DPF1: variants seen among roughly 807,000 people sequenced by gnomAD.
The protein encoded by DPF1 is double PHD fingers 1.
Under a neutral mutation model 58.7 loss-of-function variants are expected in DPF1, and 14 were observed. The ratio of observed to expected loss-of-function variants is 0.24; its 90% CI spans 0.16 to 0.37. The LOEUF (loss-of-function observed/expected upper bound fraction) is 0.37, where lower values mean the gene tolerates loss of function less well. DPF1 is among the 10% of genes least tolerant of loss of function. The pLI is 1.00. For missense variants in DPF1, 345 were observed against 529.9 expected, an observed-to-expected ratio of 0.65 and a Z score of 3.43; for synonymous variants, 216 against 216.0, an observed-to-expected ratio of 1.00 and a Z score of 0.00.
In DPF1 at chr19:38,212,087, A is replaced by C. The variant is rs1200779915; in HGVS notation, c.1140T>G (p.Ala380=). 15 of 1,612,496 alleles carry C rather than the reference A, an allele frequency of 9.3e-6. No individual in the cohort carries two copies. Among genetic ancestry groups the C allele is most frequent in the Non-Finnish European group, 1.1e-5 (13 of 1,179,768 alleles). ...HLCLRHLKEK[A]SAYITLT is the part of the protein sequence containing the mutation. ...CCTAGGTGAGGGTGATGTAAGCAGA[A>C]GCCTTTTCCTTCAGGTGCCGGAGAC... The change falls in exon 12 of 12, where the codon GCT becomes GCG. Residue 380 remains alanine (A), a synonymous_variant. Coordinates refer to ENST00000355526, the MANE Select transcript of DPF1 (RefSeq NM_001135155.3).
At chr19:38,220,050 G>A (rs2146186287) in intron 3 of DPF1, 1 of 151,760 alleles carries the variant, frequency 6.6e-6, no homozygotes, top group South Asian at 2.1e-4. Flanking sequence ...TTAGCCGGGT[G>A]TAGGGGCACA....
chr19:38,229,321 C>A lies in DPF1; in HGVS notation c.-132+238G>T, dbSNP rs1207871942. Among the ~76,000 whole-genome samples the A allele has an allele frequency of 1.3e-5, 2 of 152,012 alleles. No homozygotes were observed. Among genetic ancestry groups the A allele is most frequent in the Non-Finnish European group, 2.9e-5 (2 of 67,936 alleles). ...GGCCTCCGCCACCCCCAGCCCGCGC[C>A]GCATTCCTTCACTGACAGCGACAAA... On this transcript the variant is annotated intron_variant, in intron 1 of 11. Transcript: ENST00000412732. The surrounding 1 kb of genome is among the most constrained non-coding windows in gnomAD (Gnocchi z 5.3).
Position 38,224,034 on chromosome 19 carries a change from C to G in DPF1, c.29+80G>C. ...CAGCCCCCCAGACACCCCTTCGGCC[C>G]CACCCCCGGTCGCCACACACACACA... is the stretch of plus-strand genomic sequence containing the variant. On this transcript the variant is annotated intron_variant, in intron 1 of 11. Coordinates refer to ENST00000355526, the MANE Select transcript of DPF1 (RefSeq NM_001135155.3). The surrounding 1 kb of genome is among the most constrained non-coding windows in gnomAD (Gnocchi z 4.5). 7.0e-7 allele frequency: 1 copy of G among 1,424,956 alleles called. No individual in the cohort carries two copies. Among genetic ancestry groups the G allele is most frequent in the Admixed American group, 3.1e-5 (1 of 31,764 alleles). The allele number at this position is 1,424,956 out of a possible 1,614,324, so 88.3% of individuals were successfully genotyped here.
chr19:38,213,988 G>A, intron 9 of DPF1: 1 of 537,022 alleles, frequency 1.9e-6, no homozygotes, highest in Non-Finnish European at 3.4e-6. Flanking sequence ...CTGCTCCCCA[G>A]AACGCCATGG....
Position 38,224,006 on chromosome 19 carries a change from T to G in DPF1, c.29+108A>C. On this transcript the variant is annotated intron_variant, in intron 1 of 11. Transcript: ENST00000355526. This position sits in a 1 kb window ranked among gnomAD's most constrained non-coding sequence, Gnocchi z 4.5. ...CACCCCCGCGCAGCCCCGCACTCGG[T>G]GACAGCCCCCCAGACACCCCTTCGG... 1 of 1,333,254 alleles carries G rather than the reference T, an allele frequency of 7.5e-7. No homozygotes were observed. Among genetic ancestry groups the G allele is most frequent in the Non-Finnish European group, 9.6e-7 (1 of 1,037,534 alleles). The allele number at this position is 1,333,254 out of a possible 1,614,324, so 82.6% of individuals were successfully genotyped here. A position where few individuals can be genotyped will look rare whatever the true frequency, so the allele number is the denominator to read the frequency against.
At chr19:38,216,528 C>T in intron 7 of DPF1, 125 bp from the exon 8 acceptor site, 1 of 1,171,098 alleles carries the variant, frequency 8.5e-7, no homozygotes, top group Non-Finnish European at 1.2e-6. Context: ...TGAGTAGCTA[C>T]CCCAAGCTGT....
At chr19:38,216,565 G>C (rs1381031085) in intron 7 of DPF1, 162 bp from the exon 8 acceptor site, 8 of 748,454 alleles carry the variant, frequency 1.1e-5, no homozygotes, top group Non-Finnish European at 1.3e-5. Flanking sequence ...AGTTCTCATC[G>C]GGACTCCCAA....
chr19:38,212,300 G>T lies in DPF1; in HGVS notation c.1073C>A (p.Pro358His). ...CTCACCTTCCGGGGGCTCCGCCATG[G>T]GGGGACTCAGGCAGTACATGTGGTA... ...RGYHMYCLSP[P>H]MAEPPEGSWS... The change falls in exon 11 of 12, where the codon CCC becomes CAC. Residue 358 changes from proline (P) to histidine (H), a missense_variant. By Grantham distance (77) the Pro-to-His change is moderately conservative. Coordinates refer to ENST00000355526, the MANE Select transcript of DPF1 (RefSeq NM_001135155.3). 6.6e-7 allele frequency: 1 copy of T among 1,512,220 alleles called. No individual in the cohort carries two copies. Among genetic ancestry groups the T allele is most frequent in the East Asian group, 2.4e-5 (1 of 41,840 alleles). The allele number at this position is 1,512,220 out of a possible 1,614,324, so 93.7% of individuals were successfully genotyped here. A position where few individuals can be genotyped will look rare whatever the true frequency, so the allele number is the denominator to read the frequency against.
Position 38,222,384 on chromosome 19 carries a change from TG to T in DPF1, c.270del (p.Arg91AspfsTer15). On this transcript the variant is annotated frameshift_variant, in exon 3 of 12. Transcript: ENST00000355526. LOFTEE classifies it high-confidence loss of function. This position sits in a 1 kb window ranked among gnomAD's most constrained non-coding sequence, Gnocchi z 4.9. ...ATCTTGTACTCGCAGGGCCTGAGTC[TG>T]GGGTCCTCCAGGATGTTGAGTCTCC... Reference protein sequence around the residue: ...KKRRLNILEDPRLRPCEYKID... With the variant: ...KKRRLNILEDXRLRPCEYKID... The T allele has an allele frequency of 6.3e-7, 1 of 1,590,010 alleles. No individual in the cohort carries two copies. The highest frequency in any genetic ancestry group is 1.9e-5 in the Admixed American group (1 of 52,414).
chr19:38,220,796 C>T (rs1446848528), intron 3 of DPF1, among the ~76,000 whole-genome samples: 1 of 152,044 alleles, frequency 6.6e-6, no homozygotes, highest in Non-Finnish European at 1.5e-5. Context: ...ACACAGGAGA[C>T]AGACAGGAAG....
Position 38,222,480 on chromosome 19 carries a change from G to C in DPF1, c.191-16C>G. On this transcript the variant is annotated splice_polypyrimidine_tract_variant and intron_variant, in intron 2 of 11. Coordinates refer to ENST00000355526, the MANE Select transcript of DPF1 (RefSeq NM_001135155.3). This position sits in a 1 kb window ranked among gnomAD's most constrained non-coding sequence, Gnocchi z 4.9. Reference sequence around the variant, plus strand: ...GGGGCCAAACCTGGAGAGAGAGGGGGGTGAGAGGGCGGCGGCGGTGGGGCG... The same window carrying C: ...GGGGCCAAACCTGGAGAGAGAGGGGCGTGAGAGGGCGGCGGCGGTGGGGCG... The C allele has an allele frequency of 6.3e-7, 1 of 1,582,782 alleles. No homozygotes were observed. The highest frequency in any genetic ancestry group is 1.2e-5 in the South Asian group (1 of 86,630).
chr19:38,215,865 T>A (rs1006140117), intron 9 of DPF1, among the ~76,000 whole-genome samples: 1 of 152,156 alleles, frequency 6.6e-6, no homozygotes, highest in Non-Finnish European at 1.5e-5. Context: ...CCACCACACC[T>A]GGCCTCTCAC....
chr19:38,223,695 T>C (rs1295825058), intron 1 of DPF1: 1 of 160,056 alleles, frequency 6.2e-6, no homozygotes, highest in African/African-American at 2.4e-5. Context: ...CAGACACATG[T>C]CCACACACCT....
At chr19:38,212,440 T>A in intron 10 of DPF1, 79 bp from the exon 11 acceptor site, 1 of 461,116 alleles carries the variant, frequency 2.2e-6, no homozygotes, top group Non-Finnish European at 4.0e-6. Flanking sequence ...GGGCAGGGGC[T>A]AGGTCAAGGG....
At chr19:38,217,149 C>T (rs1325117398) in intron 7 of DPF1, among the ~76,000 whole-genome samples, 1 of 152,184 alleles carries the variant, frequency 6.6e-6, no homozygotes, top group Non-Finnish European at 1.5e-5. Flanking sequence ...GCCCCTTGAC[C>T]AAAGCTTAGC....
Position 38,222,870 on chromosome 19 carries a change from G to A in DPF1, c.30-162C>T, listed in dbSNP as rs1967611081. Reference sequence around the variant, plus strand: ...CTCCCACTCCGGGACCCAGGCTGGGGGAAGGGGACAGGGCCCAGGGGCCCC... The same window carrying A: ...CTCCCACTCCGGGACCCAGGCTGGGAGAAGGGGACAGGGCCCAGGGGCCCC... On this transcript the variant is annotated intron_variant, in intron 1 of 11. Coordinates refer to ENST00000355526, the MANE Select transcript of DPF1 (RefSeq NM_001135155.3). This position sits in a 1 kb window ranked among gnomAD's most constrained non-coding sequence, Gnocchi z 4.9. 2.7e-6 allele frequency: 3 copies of A among 1,104,864 alleles called. No homozygotes were observed. The highest frequency in any genetic ancestry group is 3.6e-5 in the South Asian group (2 of 56,090). The allele number at this position is 1,104,864 out of a possible 1,614,324, so 68.4% of individuals were successfully genotyped here. A position where few individuals can be genotyped will look rare whatever the true frequency, so the allele number is the denominator to read the frequency against.
At chr19:38,217,618 C>T in intron 6 of DPF1, 27 bp from the exon 7 acceptor site, 1 of 1,536,686 alleles carries the variant, frequency 6.5e-7, no homozygotes, top group African/African-American at 1.4e-5. Flanking sequence ...CCAGGAGGGC[C>T]TGTCAGCCCC....
chr19:38,217,384 C>CA, intron 7 of DPF1, 76 bp downstream of exon 7: 10 of 737,526 alleles, frequency 1.4e-5, no homozygotes, highest in South Asian at 3.5e-5. Flanking sequence ...AATGCCCCCC[C>CA]ACCCCCACCC....
At chr19:38,228,399 C>A (rs1043345342), upstream of DPF1, among the ~76,000 whole-genome samples, 20 of 151,794 alleles carry the variant, frequency 1.3e-4, no homozygotes, top group Middle Eastern at 0.021. Flanking sequence ...TCTCTCCCCC[C>A]ACCCCCCACC....
Sources: allele counts gnomAD v4.1 joint callset (sites outside exome capture counted in the v4.1 genomes callset), GRCh38; gene constraint gnomAD v4.1.1; non-coding constraint Gnocchi (gnomAD v3.1); transcripts MANE v1.5; gene names NCBI Gene and HGNC (gene_info 2026-07-23, HGNC 2026-07-21).